NCBP2L: variants seen among roughly 807,000 people sequenced by gnomAD.
NCBP2L encodes the protein nuclear cap-binding protein subunit 2-like.
For synonymous variants in NCBP2L, 39 were observed against 19.2 expected, an observed-to-expected ratio of 2.04 and a Z score of -2.70; for missense variants, 95 against 53.1, an observed-to-expected ratio of 1.79 and a Z score of -2.45.
At chrX:107,793,985 T>C (rs1365479264) in intron 1 of NCBP2L, among the ~76,000 whole-genome samples, 164 bp from the exon 2 acceptor site, 1 of 112,353 alleles carries the variant, frequency 8.9e-6, no homozygotes, top group Non-Finnish European at 1.9e-5. Context: ...TTTATGACCA[T>C]GTTTTGGGGA....
At chrX:107,792,683 C>A (rs1168277197) in intron 1 of NCBP2L, among the ~76,000 whole-genome samples, 1 of 111,747 alleles carries the variant, frequency 8.9e-6, no homozygotes, top group Admixed American at 9.5e-5. Flanking sequence ...CTACACCCCC[C>A]AGCCCTGCAA....
rs189309748 is a variant in NCBP2L at position 107,790,318 on chromosome X, T to G, written c.-72-3831T>G. ...TTAACCATTCAAATAGCTCCGTAAC[T>G]GGTCTTCCTGCCTCTTGGCCTGCTC... On this transcript the variant is annotated intron_variant, in intron 1 of 1. Transcript: ENST00000509000. 8.1e-3 allele frequency among the ~76,000 whole-genome samples: 908 copies of G among 112,135 alleles called. 8 individuals are homozygous for G. The highest frequency in any genetic ancestry group is 0.028 in the African/African-American group (869 of 30,877).
rs957171160 is a variant in NCBP2L at position 107,794,353 on chromosome X, A to C, written c.133A>C (p.Asn45His). 7.0e-6 allele frequency: 4 copies of C among 568,907 alleles called. No homozygotes were observed. The African/African-American group carries it at 8.9e-5, about 13-fold the overall frequency. The allele number at this position is 568,907 out of a possible 1,213,427, so 46.9% of individuals were successfully genotyped here. A position where few individuals can be genotyped will look rare whatever the true frequency, so the allele number is the denominator to read the frequency against. Reference protein sequence around the residue: ...LKESSTLNMGNLSFYTTEEKI... With the variant: ...LKESSTLNMGHLSFYTTEEKI... ...GGAAAGCTCCACATTGAATATGGGG[A>C]ATCTTTCCTTTTATACAACCGAAGA... The change falls in exon 2 of 2, where the codon AAT (asparagine) becomes CAT (histidine). Residue 45 changes from asparagine to histidine, a missense_variant. Physicochemically the swap from Asn to His is moderately conservative, Grantham distance 68. Coordinates refer to ENST00000509000, the MANE Select transcript of NCBP2L (RefSeq NM_001348372.2).
intron 1 of NCBP2L, among the ~76,000 whole-genome samples, chrX:107,786,129 T>C (rs1202843820): frequency 1.8e-5 from 2 of 111,220 alleles, no homozygotes; most frequent in African/African-American, 6.5e-5. Flanking sequence ...GCATTGTCAA[T>C]TGTCTTTCAG....
Position 107,794,760 on chromosome X carries a change from C to T in NCBP2L, c.*78C>T. 2.5e-6 allele frequency: 1 copy of T among 405,139 alleles called. No homozygotes were observed. Among genetic ancestry groups the T allele is most frequent in the South Asian group, 6.0e-5 (1 of 16,775 alleles). 33.4% of individuals were successfully genotyped at this position (405,139 alleles called of 1,213,427 possible). A position where few individuals can be genotyped will look rare whatever the true frequency, so the allele number is the denominator to read the frequency against. ...AGACCAACCTCAAGTCTGCAAATAG[C>T]CAATTCCAAGTTTAAATTACCTTAC... On this transcript the variant is annotated 3_prime_UTR_variant, in exon 2 of 2. Transcript: ENST00000509000.
At chrX:107,781,161 C>A (rs377626293) in intron 1 of NCBP2L, among the ~76,000 whole-genome samples, 27 of 110,910 alleles carry the variant, frequency 2.4e-4, no homozygotes, top group East Asian at 1.4e-3. Context: ...AAGCAATCTG[C>A]CTGCCTTGGG....
chrX:107,783,695 G>A (rs2147806703), intron 1 of NCBP2L, among the ~76,000 whole-genome samples: 1 of 110,647 alleles, frequency 9.0e-6, no homozygotes, highest in African/African-American at 3.3e-5. Flanking sequence ...TATTTAAGGT[G>A]TACACCATGA....
At chrX:107,781,820 C>CTATATT (rs1930294507) in intron 1 of NCBP2L, among the ~76,000 whole-genome samples, 42 of 93,876 alleles carry the variant, frequency 4.5e-4, no homozygotes, top group African/African-American at 8.2e-4. Context: ...ATCTAGATAT[C>CTATATT]TATATATAGA....
intron 1 of NCBP2L, among the ~76,000 whole-genome samples, chrX:107,783,897 G>A (rs917475431): frequency 4.5e-5 from 4 of 88,300 alleles, no homozygotes; most frequent in Non-Finnish European, 6.5e-5. Context: ...TGTGTCCAGG[G>A]TGGGAGCACA....
chrX:107,794,510 G>A lies in NCBP2L; in HGVS notation c.290G>A (p.Arg97Gln), dbSNP rs759853605. The change falls in exon 2 of 2, where the codon CGG (arginine) becomes CAG (glutamine). Residue 97 changes from arginine to glutamine, a missense_variant. Transcript: ENST00000509000. ...HNRADAENAM[R>Q]FLTGTCLDEW... ...AGAGCTGATGCTGAAAATGCCATGCGGTTTCTAACTGGGACCTGCCTAGAT... is the reference window on the plus strand; with the variant it reads ...AGAGCTGATGCTGAAAATGCCATGCAGTTTCTAACTGGGACCTGCCTAGAT... 9 of 569,891 alleles carry A rather than the reference G, an allele frequency of 1.6e-5. No individual in the cohort carries two copies. Among genetic ancestry groups the A allele is most frequent in the South Asian group, 4.4e-5 (2 of 44,978 alleles). 47.0% of individuals were successfully genotyped at this position (569,891 alleles called of 1,213,427 possible).
At position 107,795,299 on chromosome X, in the gene NCBP2L, C is replaced by T. The variant is rs1026021522; in HGVS notation, c.*617C>T. ...CATGACTACTTACTTTCTTTTTAAA[C>T]GCTACGTACTGACTTCCTACTTTCA... On this transcript the variant is annotated 3_prime_UTR_variant, in exon 2 of 2. Coordinates refer to ENST00000509000, the MANE Select transcript of NCBP2L (RefSeq NM_001348372.2). The T allele has an allele frequency of 6.3e-5, 7 of 111,931 alleles. No individual in the cohort carries two copies. The highest frequency in any genetic ancestry group is 1.3e-4 in the African/African-American group (4 of 30,802). 9.2% of individuals were successfully genotyped at this position (111,931 alleles called of 1,213,427 possible). A position where few individuals can be genotyped will look rare whatever the true frequency, so the allele number is the denominator to read the frequency against.
chrX:107,778,014 T>TC (rs1930211309), intron 1 of NCBP2L, among the ~76,000 whole-genome samples, 156 bp downstream of exon 1: 1 of 86,603 alleles, frequency 1.2e-5, no homozygotes, highest in African/African-American at 5.3e-5. Context: ...CTTCTTCGCT[T>TC]TTTTTTTTTT....
intron 1 of NCBP2L, among the ~76,000 whole-genome samples, chrX:107,789,985 G>A (rs1930431165): frequency 9.0e-6 from 1 of 110,813 alleles, no homozygotes; most frequent in East Asian, 2.8e-4. Flanking sequence ...TACTTGACAC[G>A]TGTAATATGG....
rs750530021 is a variant in NCBP2L, at chrX:107,779,939, T to C, written c.-73+2081T>C. Among the ~76,000 whole-genome samples the C allele has an allele frequency of 8.6e-5, 9 of 105,031 alleles. No homozygotes were observed. The East Asian group carries it at 2.7e-3, about 32-fold the overall frequency. 91.2% of individuals were successfully genotyped at this position (105,031 alleles called of 115,157 possible). On this transcript the variant is annotated intron_variant, in intron 1 of 1. Coordinates refer to ENST00000509000, the MANE Select transcript of NCBP2L (RefSeq NM_001348372.2). ...TTTTGTATTTTTAGTAGAGACGAGG[T>C]TTCACCATGTTAGCGAGGATGGTCT...
intron 1 of NCBP2L, among the ~76,000 whole-genome samples, chrX:107,779,266 G>A (rs2147804331): frequency 8.9e-6 from 1 of 112,215 alleles, no homozygotes; most frequent in African/African-American, 3.2e-5. Context: ...ACAGTAATGT[G>A]ACATAAAATT....
At chrX:107,784,382 A>G (rs1930368322) in intron 1 of NCBP2L, among the ~76,000 whole-genome samples, 1 of 111,020 alleles carries the variant, frequency 9.0e-6, no homozygotes, top group Non-Finnish European at 1.9e-5. Flanking sequence ...GGACTGAGAT[A>G]GATGGAATCT....
Position 107,785,012 on chromosome X carries a change from AGAAG to A in NCBP2L, c.-73+7178_-73+7181del, listed in dbSNP as rs376629064. On this transcript the variant is annotated intron_variant, in intron 1 of 1. Transcript: ENST00000509000. ...ACAAAAGAAAGAAGGAAGGAAAGAA[AGAAG>A]GAAGGAAGGAAGGAAGGAAGGAAAG... 4.6e-3 allele frequency among the ~76,000 whole-genome samples: 471 copies of A among 101,783 alleles called. 4 individuals carry two copies. The highest frequency in any genetic ancestry group is 0.015 in the East Asian group (51 of 3,329). 88.4% of individuals were successfully genotyped at this position (101,783 alleles called of 115,157 possible). A position where few individuals can be genotyped will look rare whatever the true frequency, so the allele number is the denominator to read the frequency against.
chrX:107,784,741 C>T (rs1264671950), intron 1 of NCBP2L, among the ~76,000 whole-genome samples: 8 of 94,370 alleles, frequency 8.5e-5, no homozygotes, highest in African/African-American at 2.0e-4. Flanking sequence ...GAAGCTGAGG[C>T]GGGTGGATCA....
chrX:107,787,232 A>T (rs1486331714), intron 1 of NCBP2L, among the ~76,000 whole-genome samples: 2 of 111,881 alleles, frequency 1.8e-5, no homozygotes, highest in Non-Finnish European at 1.9e-5. Context: ...AGTGCAAATG[A>T]TAAACAAAAA....
Sources: gnomAD v4.1 joint callset for allele counts (sites outside exome capture counted in the v4.1 genomes callset) on GRCh38, gnomAD v4.1.1 for gene constraint, MANE v1.5 for transcripts, NCBI Gene and HGNC (gene_info 2026-07-23, HGNC 2026-07-21) for gene names.